SLC23A3: variants seen among roughly 807,000 people sequenced by gnomAD.
The protein encoded by SLC23A3 is solute carrier family 23 member 3, also known as E2-binding protein 3.
In SLC23A3, 41 loss-of-function variants were observed where a neutral mutation model predicts 64.7. The ratio of observed to expected loss-of-function variants is 0.63; its 90% CI spans 0.49 to 0.82. The LOEUF is 0.82. SLC23A3 is among the 40% of genes least tolerant of loss of function. SLC23A3 has a pLI of 0.00. For missense variants in SLC23A3, 647 were observed against 733.4 expected (o/e 0.88, Z 1.36); for synonymous variants, 281 against 306.8 (o/e 0.92, Z 0.88).
chr2:219,169,206 C>G lies in SLC23A3; in HGVS notation c.418+103G>C. On this transcript the variant is annotated intron_variant, in intron 3 of 11. Coordinates refer to ENST00000409878, the MANE Select transcript of SLC23A3 (RefSeq NM_001144889.2). This position sits in a 1 kb window ranked among gnomAD's most constrained non-coding sequence, Gnocchi z 4.5. ...CAGGTCCAAGCCCCCTATAGTGTCA[C>G]AGTCTCACCACTGCCCAATCTCAAT... is the stretch of plus-strand genomic sequence containing the variant. 8 of 1,609,128 alleles carry G rather than the reference C, an allele frequency of 5.0e-6. No homozygotes were observed. Among genetic ancestry groups the G allele is most frequent in the Non-Finnish European group, 6.8e-6 (8 of 1,176,478 alleles).
At chr2:219,164,977 T>G (rs991159994) in intron 8 of SLC23A3, 192 bp downstream of exon 8, 1 of 692,284 alleles carries the variant, frequency 1.4e-6, no homozygotes, top group Non-Finnish European at 2.3e-6. Context: ...CAGTGCCTCA[T>G]GCACAGGAGT....
At chr2:219,168,609 AC>A in intron 5 of SLC23A3, 42 bp downstream of exon 5, 6 of 1,586,988 alleles carry the variant, frequency 3.8e-6, no homozygotes, top group Non-Finnish European at 5.1e-6. Context: ...CCCCCCATAC[AC>A]CCCCACTGGG....
chr2:219,165,728 G>A (rs1949999472), intron 7 of SLC23A3, among the ~76,000 whole-genome samples: 1 of 152,250 alleles, frequency 6.6e-6, no homozygotes, highest in South Asian at 2.1e-4. Context: ...AGCCACCACA[G>A]GGCCTTTGCA....
In SLC23A3 at chr2:219,169,634, G is replaced by A; in HGVS notation, c.207C>T (p.Leu69=). The A allele has an allele frequency of 1.2e-6, 2 of 1,614,202 alleles. No individual in the cohort carries two copies. Among genetic ancestry groups the A allele is most frequent in the Non-Finnish European group, 8.5e-7 (1 of 1,180,018 alleles). The part of the protein sequence containing the change: ...MASLLCVSHL[L]LLCSLSPGGL... ...CTCCTGGGGAGAGACTGCAAAGCAGGAGCAGGTGGGAGACACAGAGCAGAG... is the reference window on the plus strand; with the variant it reads ...CTCCTGGGGAGAGACTGCAAAGCAGAAGCAGGTGGGAGACACAGAGCAGAG... Residue 69 remains leucine (L), a synonymous_variant, in exon 2 of 12, where the codon CTC becomes CTT. Coordinates refer to ENST00000409878, the MANE Select transcript of SLC23A3 (RefSeq NM_001144889.2). This position sits in a 1 kb window ranked among gnomAD's most constrained non-coding sequence, Gnocchi z 4.5.
rs1263412052 is a variant in SLC23A3, at chr2:219,168,844, A to T, written c.493-11T>A. On this transcript the variant is annotated splice_polypyrimidine_tract_variant and intron_variant, in intron 4 of 11. Transcript: ENST00000409878. ...CACTGCCCCGGACACCTGGTAGAAGAGAGGAGAGGATGGAGAGAAAACATT... is the reference window on the plus strand; with the variant it reads ...CACTGCCCCGGACACCTGGTAGAAGTGAGGAGAGGATGGAGAGAAAACATT... 1 of 1,575,186 alleles carries T rather than the reference A, an allele frequency of 6.3e-7. No individual in the cohort carries two copies. The highest frequency in any genetic ancestry group is 2.2e-5 in the East Asian group (1 of 44,574).
chr2:219,164,121 C>T, intron 9 of SLC23A3, 112 bp downstream of exon 9: 3 of 683,420 alleles, frequency 4.4e-6, no homozygotes, highest in Non-Finnish European at 5.1e-6. Flanking sequence ...CATCCATCCA[C>T]CCATCCATCC....
Position 219,168,302 on chromosome 2 carries a change from C to G in SLC23A3, c.691G>C (p.Val231Leu). 1 of 1,609,126 alleles carries G rather than the reference C, an allele frequency of 6.2e-7. No homozygotes were observed. Among genetic ancestry groups the G allele is most frequent in the Non-Finnish European group, 8.5e-7 (1 of 1,177,634 alleles). ...GLALLVILLM[V>L]VCSQHLGSCQ... is the part of the protein sequence containing the mutation. The stretch of plus-strand genomic sequence containing the variant: ...GAGCCCAGGTGCTGAGAACAGACCA[C>G]CATGAGCAGGATAACCCTAGGAGAC... The change falls in exon 6 of 12, where the codon GTG (valine) becomes CTG (leucine). Residue 231 changes from valine (V) to leucine (L), a missense_variant. Physicochemically the swap from Val to Leu is conservative, Grantham distance 32. Coordinates refer to ENST00000409878, the MANE Select transcript of SLC23A3 (RefSeq NM_001144889.2).
intron 7 of SLC23A3, 141 bp downstream of exon 7, chr2:219,167,789 C>T (rs1950018405): frequency 8.8e-6 from 6 of 683,734 alleles, no homozygotes; most frequent in Non-Finnish European, 1.5e-5. Context: ...CATTGTCTGT[C>T]TCTCAGACTG....
intron 5 of SLC23A3, 75 bp from the exon 6 acceptor site, chr2:219,168,393 G>A: frequency 6.8e-7 from 1 of 1,466,262 alleles, no homozygotes; most frequent in Non-Finnish European, 9.1e-7. Context: ...GGAGTGGGCA[G>A]AATATCATAA....
Position 219,168,223 on chromosome 2 carries a change from G to C in SLC23A3, c.770C>G (p.Thr257Ser). 6.2e-7 allele frequency: 1 copy of C among 1,614,116 alleles called. No homozygotes were observed. Among genetic ancestry groups the C allele is most frequent in the Admixed American group, 1.7e-5 (1 of 60,018 alleles). ...AAGGAGCCGGAAGACAGGGAGAGGA[G>C]TGTGAGTTGATGACGTTGAAGCTCG... The part of the protein sequence containing the change: ...WRRASTSSTH[T>S]PLPVFRLLSV... The change falls in exon 6 of 12, where the codon ACT (threonine) becomes AGT (serine). Residue 257 changes from threonine (T) to serine (S), a missense_variant. Physicochemically the swap from Thr to Ser is moderately conservative, Grantham distance 58 (BLOSUM62 1). Coordinates refer to ENST00000409878, the MANE Select transcript of SLC23A3 (RefSeq NM_001144889.2).
At chr2:219,167,324 C>T (rs1473705257) in intron 7 of SLC23A3, among the ~76,000 whole-genome samples, 2 of 152,112 alleles carry the variant, frequency 1.3e-5, no homozygotes, top group African/African-American at 4.8e-5. Context: ...GCCTCAAAAG[C>T]AATCTTTATA....
Position 219,169,377 on chromosome 2 carries a change from T to C in SLC23A3, c.350A>G (p.Glu117Gly). ...RLPLVQAPSL[E>G]FLIPALVLTS... is the part of the protein sequence containing the mutation. ...CAGCACCAGAGCAGGGATAAGGAACTCTAAGGATGGAGCCTGGACAAGAGG... is the reference window on the plus strand; with the variant it reads ...CAGCACCAGAGCAGGGATAAGGAACCCTAAGGATGGAGCCTGGACAAGAGG... Residue 117 changes from glutamate (E) to glycine (G), a missense_variant, in exon 3 of 12, where the codon GAG (glutamate) becomes GGG (glycine). Physicochemically the swap from Glu to Gly is moderately conservative, Grantham distance 98. Transcript: ENST00000409878. This position sits in a 1 kb window ranked among gnomAD's most constrained non-coding sequence, Gnocchi z 4.5. The C allele has an allele frequency of 3.7e-6, 6 of 1,614,162 alleles. No homozygotes were observed. The highest frequency in any genetic ancestry group is 5.1e-6 in the Non-Finnish European group (6 of 1,180,012).
At chr2:219,164,000 C>T (rs1024879248) in intron 9 of SLC23A3, among the ~76,000 whole-genome samples, 13 of 152,230 alleles carry the variant, frequency 8.5e-5, no homozygotes, top group Non-Finnish European at 1.6e-4. Flanking sequence ...CCACGCCCAG[C>T]CTGAGGCTGA....
In SLC23A3 at chr2:219,165,264, G is replaced by A; in HGVS notation, c.1072C>T (p.Leu358=). The A allele has an allele frequency of 6.4e-7, 1 of 1,551,698 alleles. No homozygotes were observed. Among genetic ancestry groups the A allele is most frequent in the South Asian group, 1.2e-5 (1 of 84,062 alleles). ...GCCAGCACACTGCCCAGCCCCTCCA[G>A]GCTCAGCCCTCGACTGCAGGCATGT... is the stretch of plus-strand genomic sequence containing the variant. The part of the protein sequence containing the change: ...PPHACSRGLS[L]EGLGSVLAGL... The change falls in exon 8 of 12, where the codon CTG becomes TTG. Residue 358 remains leucine (L), a synonymous_variant. Coordinates refer to ENST00000409878, the MANE Select transcript of SLC23A3 (RefSeq NM_001144889.2).
rs1293314278 is a variant in SLC23A3 at position 219,162,207 on chromosome 2, G to A, written c.1538-3C>T. On this transcript the variant is annotated splice_polypyrimidine_tract_variant and splice_region_variant and intron_variant, in intron 11 of 11. Coordinates refer to ENST00000409878, the MANE Select transcript of SLC23A3 (RefSeq NM_001144889.2). ...TAGGCCTCGCTCAAGCTGTGTGCCT[G>A]CAAAAGAGAGGTTTGTCAGGCTATT... is the stretch of plus-strand genomic sequence containing the variant. 2.5e-6 allele frequency: 4 copies of A among 1,610,282 alleles called. No homozygotes were observed. The highest frequency in any genetic ancestry group is 3.4e-6 in the Non-Finnish European group (4 of 1,177,252).
Position 219,161,979 on chromosome 2 carries a change from G to A in SLC23A3, c.1763C>T (p.Ala588Val). ...CTCCCCTGAGCCAGGCAGCAAGTCT[G>A]CCATCTCTTCTGGCTCAGAGGAGCC... Reference protein sequence around the residue: ...EGGSSEPEEMADLLPGSGEPC... With the variant: ...EGGSSEPEEMVDLLPGSGEPC... Residue 588 changes from alanine (A) to valine (V), a missense_variant, in exon 12 of 12, where the codon GCA becomes GTA. Coordinates refer to ENST00000409878, the MANE Select transcript of SLC23A3 (RefSeq NM_001144889.2). 1 of 1,612,166 alleles carries A rather than the reference G, an allele frequency of 6.2e-7. No individual in the cohort carries two copies. The highest frequency in any genetic ancestry group is 2.2e-5 in the East Asian group (1 of 44,820).
At position 219,162,067 on chromosome 2, in the gene SLC23A3, A is replaced by G. The variant is rs751982407; in HGVS notation, c.1675T>C (p.Cys559Arg). The change falls in exon 12 of 12, where the codon TGC becomes CGC. Residue 559 changes from cysteine to arginine, a missense_variant. By Grantham distance (180) the Cys-to-Arg change is radical (BLOSUM62 -3). Transcript: ENST00000409878. The stretch of plus-strand genomic sequence containing the variant: ...AGGCAGTGGAGAGGCTGGGGGATGC[A>G]GGGACAGAGGTTTTGGATGGGGAAA... Reference protein sequence around the residue: ...LPFPIQNLCPCIPQPLHCLCP... With the variant: ...LPFPIQNLCPRIPQPLHCLCP... 5 of 1,614,054 alleles carry G rather than the reference A, an allele frequency of 3.1e-6. No individual in the cohort carries two copies. The highest frequency in any genetic ancestry group is 4.2e-6 in the Non-Finnish European group (5 of 1,180,042).
intron 8 of SLC23A3, 66 bp downstream of exon 8, chr2:219,165,103 A>C: frequency 1.3e-6 from 2 of 1,523,124 alleles, no homozygotes; most frequent in Non-Finnish European, 1.8e-6. Flanking sequence ...CAATCGGTGT[A>C]AGTTCCTGTC....
At position 219,164,335 on chromosome 2, in the gene SLC23A3, C is replaced by G; in HGVS notation, c.1171G>C (p.Gly391Arg). The G allele has an allele frequency of 1.9e-6, 3 of 1,590,236 alleles. No homozygotes were observed. The highest frequency in any genetic ancestry group is 2.6e-6 in the Non-Finnish European group (3 of 1,167,858). The change falls in exon 9 of 12, where the codon GGA (glycine) becomes CGA (arginine). Residue 391 changes from glycine (G) to arginine (R), a missense_variant. Physicochemically the swap from Gly to Arg is moderately radical, Grantham distance 125 (BLOSUM62 -2). Coordinates refer to ENST00000409878, the MANE Select transcript of SLC23A3 (RefSeq NM_001144889.2). The stretch of plus-strand genomic sequence containing the variant: ...ACTAAGTGAGCCACTTGCTGAGATC[C>G]AGCCTGCATGAAGAAAAGACACTGG... Reference protein sequence around the residue: ...NVGKVGLIQAGSQQVAHLVGL... With the variant: ...NVGKVGLIQARSQQVAHLVGL...
Sources: allele counts gnomAD v4.1 joint callset (sites outside exome capture counted in the v4.1 genomes callset), GRCh38; gene constraint gnomAD v4.1.1; non-coding constraint Gnocchi (gnomAD v3.1); transcripts MANE v1.5; gene names NCBI Gene and HGNC (gene_info 2026-07-23, HGNC 2026-07-21).